CDH20: variants seen among roughly 807,000 people sequenced by gnomAD.
CDH20 encodes the protein cadherin 20, also known as cadherin-20.
In CDH20, 29 loss-of-function variants were observed where a neutral mutation model predicts 74.2. That is an observed-to-expected ratio of 0.39 (90% CI 0.29 to 0.53). The LOEUF is 0.53. CDH20 is among the 20% of genes least tolerant of loss of function. The pLI is 0.69. For missense variants in CDH20, 988 were observed against 1,048.3 expected (o/e 0.94, Z 0.79); for synonymous variants, 469 against 405.4 (o/e 1.16, Z -1.88).
At chr18:61,399,630 C>A (rs973934902) in intron 1 of CDH20, among the ~76,000 whole-genome samples, 1 of 152,118 alleles carries the variant, frequency 6.6e-6, no homozygotes, top group Admixed American at 6.5e-5. Context: ...CTTCACCTCC[C>A]CCACCAATGC....
intron 1 of CDH20, among the ~76,000 whole-genome samples, chr18:61,354,041 C>CAAAAAA (rs35091174): frequency 7.2e-6 from 1 of 139,004 alleles, no homozygotes; most frequent in South Asian, 2.3e-4. Context: ...GAGACCCTGT[C>CAAAAAA]AAAAAAAAAA....
At chr18:61,534,163 A>G (rs992917913) in intron 7 of CDH20, among the ~76,000 whole-genome samples, 1 of 152,242 alleles carries the variant, frequency 6.6e-6, no homozygotes, top group African/African-American at 2.4e-5. Flanking sequence ...CATCAGGAAA[A>G]TGCTAATTAA....
chr18:61,457,089 A>T (rs1390548232), intron 1 of CDH20, among the ~76,000 whole-genome samples: 4 of 152,022 alleles, frequency 2.6e-5, no homozygotes, highest in Non-Finnish European at 5.9e-5. Context: ...TTCTAAATAG[A>T]CCTTGTGTTC....
chr18:61,440,149 TC>T (rs1908980589), intron 1 of CDH20, among the ~76,000 whole-genome samples: 1 of 152,188 alleles, frequency 6.6e-6, no homozygotes, highest in Non-Finnish European at 1.5e-5. Flanking sequence ...TTGCAGAGCC[TC>T]GAGTAGTGTA....
intron 6 of CDH20, among the ~76,000 whole-genome samples, chr18:61,513,954 T>C (rs2144342782): frequency 6.6e-6 from 1 of 152,092 alleles, no homozygotes; most frequent in South Asian, 2.1e-4. Context: ...ATTTCAACTT[T>C]GGTGAATCTG....
chr18:61,339,790 C>T (rs1330514398), intron 1 of CDH20, among the ~76,000 whole-genome samples: 1 of 145,084 alleles, frequency 6.9e-6, no homozygotes, highest in Non-Finnish European at 1.5e-5. Context: ...TGGGTTCATG[C>T]CATTCTCCTG....
chr18:61,354,888 A>G (rs1910446530), intron 1 of CDH20, among the ~76,000 whole-genome samples: 1 of 152,248 alleles, frequency 6.6e-6, no homozygotes, highest in African/African-American at 2.4e-5. Context: ...GTTAATAAAC[A>G]TGTTGTCCAT....
intron 6 of CDH20, among the ~76,000 whole-genome samples, chr18:61,509,726 G>C (rs1386191711): frequency 1.3e-5 from 2 of 152,018 alleles, no homozygotes; most frequent in Non-Finnish European, 2.9e-5. Context: ...GGGAGTTTAA[G>C]GAGAAAAGGA....
At chr18:61,409,028 T>G (rs1482303783) in intron 1 of CDH20, among the ~76,000 whole-genome samples, 1 of 152,234 alleles carries the variant, frequency 6.6e-6, no homozygotes, top group African/African-American at 2.4e-5. Context: ...AGCATCTGAC[T>G]CTGTATTTTT....
At chr18:61,449,896 T>A (rs1422095467) in intron 1 of CDH20, among the ~76,000 whole-genome samples, 3 of 152,082 alleles carry the variant, frequency 2.0e-5, no homozygotes, top group African/African-American at 7.2e-5. Flanking sequence ...GGATATGACA[T>A]GGGATAAATT....
At chr18:61,466,495 G>C (rs75780070) in intron 1 of CDH20, among the ~76,000 whole-genome samples, 22 of 152,134 alleles carry the variant, frequency 1.4e-4, no homozygotes, top group Admixed American at 1.1e-3. Flanking sequence ...ATTTCTTCAA[G>C]GGCCGTCTTG....
intron 1 of CDH20, among the ~76,000 whole-genome samples, chr18:61,437,245 A>G (rs995902957): frequency 6.6e-6 from 1 of 152,164 alleles, no homozygotes; most frequent in Non-Finnish European, 1.5e-5. Context: ...CCCACTTGCC[A>G]GGTAGTTCCC....
intron 1 of CDH20, among the ~76,000 whole-genome samples, chr18:61,383,360 C>T (rs1229113781): frequency 2.0e-5 from 3 of 152,096 alleles, no homozygotes; most frequent in African/African-American, 4.8e-5. Context: ...GCAGGTGGAT[C>T]ACCTGAGGTC....
At chr18:61,553,399 G>GA (rs1369585398) in intron 11 of CDH20, among the ~76,000 whole-genome samples, 3 of 152,136 alleles carry the variant, frequency 2.0e-5, no homozygotes, top group South Asian at 2.1e-4. Flanking sequence ...TTCTAGGGGG[G>GA]AAAAATGCAT....
chr18:61,507,780 A>G (rs1911628340), intron 6 of CDH20, among the ~76,000 whole-genome samples: 1 of 151,970 alleles, frequency 6.6e-6, no homozygotes, highest in Admixed American at 6.6e-5. Flanking sequence ...GTACCAGGTC[A>G]TGATAAAAAT....
chr18:61,337,723 G>T (rs947760593), intron 1 of CDH20, among the ~76,000 whole-genome samples: 17 of 152,178 alleles, frequency 1.1e-4, no homozygotes, highest in African/African-American at 4.1e-4. Flanking sequence ...AACTCCTTCT[G>T]AAATGACTAC....
At chr18:61,519,675 T>C (rs545760962) in intron 6 of CDH20, among the ~76,000 whole-genome samples, 3 of 151,132 alleles carry the variant, frequency 2.0e-5, no homozygotes, top group Admixed American at 1.3e-4. Flanking sequence ...ACATACCAAA[T>C]TGTAAAGACC....
chr18:61,475,695 T>C (rs1458925613), intron 1 of CDH20, among the ~76,000 whole-genome samples: 1 of 152,204 alleles, frequency 6.6e-6, no homozygotes, highest in African/African-American at 2.4e-5. Context: ...CATGTGTTAT[T>C]GCACTAAAGT....
intron 1 of CDH20, among the ~76,000 whole-genome samples, chr18:61,383,495 C>T (rs1459600407): frequency 2.0e-5 from 3 of 152,022 alleles, no homozygotes; most frequent in Admixed American, 6.6e-5. Context: ...GCAGGAGAAT[C>T]GCTTGAACCC....
Sources: gnomAD v4.1 joint callset for allele counts (sites outside exome capture counted in the v4.1 genomes callset) on GRCh38, gnomAD v4.1.1 for gene constraint, MANE v1.5 for transcripts, NCBI Gene and HGNC (gene_info 2026-07-23, HGNC 2026-07-21) for gene names.